Variants in ERBB4 observed in about 807,000 individuals in gnomAD.
ERBB4 encodes receptor tyrosine-protein kinase erbB-4.
ERBB4 carries 42 observed loss-of-function variants against 158.0 expected under a neutral mutation model. The ratio of observed to expected loss-of-function variants is 0.27; its 90% CI spans 0.21 to 0.34. The LOEUF (loss-of-function observed/expected upper bound fraction) is 0.34. Among genes scored for constraint, ERBB4 ranks in the 10% least tolerant of loss-of-function variants. The pLI is 1.00. For missense variants in ERBB4, 1,333 were observed against 1,624.1 expected, an observed-to-expected ratio of 0.82 and a Z score of 3.08; for synonymous variants, 583 against 558.7, an observed-to-expected ratio of 1.04 and a Z score of -0.61.
chr2:211,593,289 A>T (rs967610305), intron 19 of ERBB4, among the ~76,000 whole-genome samples: 2 of 152,216 alleles, frequency 1.3e-5, no homozygotes, highest in African/African-American at 2.4e-5. Context: ...GAGAATATTT[A>T]TTGAAGTGTG....
At chr2:211,777,027 G>C (rs1388607924) in intron 4 of ERBB4, among the ~76,000 whole-genome samples, 6 of 152,066 alleles carry the variant, frequency 3.9e-5, no homozygotes, top group Admixed American at 3.9e-4. Context: ...GTTTGGCAAG[G>C]GTACATTTAC....
chr2:212,273,946 A>G (rs906242280), intron 1 of ERBB4, among the ~76,000 whole-genome samples: 9 of 151,820 alleles, frequency 5.9e-5, no homozygotes, highest in Admixed American at 2.6e-4. Context: ...AAATCTGAGT[A>G]TAACTTCTGA....
chr2:212,198,014 T>C (rs142657600), intron 1 of ERBB4, among the ~76,000 whole-genome samples: 55 of 152,230 alleles, frequency 3.6e-4, no homozygotes, highest in Admixed American at 7.2e-4. Context: ...GGGGATTCTT[T>C]TGAGAGCTGA....
chr2:211,393,115 CT>C (rs1457242649), intron 25 of ERBB4, among the ~76,000 whole-genome samples: 4 of 152,090 alleles, frequency 2.6e-5, no homozygotes, highest in Non-Finnish European at 5.9e-5. Flanking sequence ...TATGGAAATG[CT>C]GTCTTTTATA....
At chr2:212,197,751 T>C (rs748843197) in intron 1 of ERBB4, among the ~76,000 whole-genome samples, 9 of 152,192 alleles carry the variant, frequency 5.9e-5, no homozygotes, top group Non-Finnish European at 1.0e-4. Flanking sequence ...CCTGTAACTA[T>C]ATAGCTAAGT....
At chr2:211,725,918 T>C (rs950750757) in intron 5 of ERBB4, among the ~76,000 whole-genome samples, 6 of 152,040 alleles carry the variant, frequency 3.9e-5, no homozygotes, top group African/African-American at 9.7e-5. Flanking sequence ...AAAATCATCA[T>C]TGGTCTTTTC....
At chr2:212,524,655 C>T (rs1012974828) in intron 1 of ERBB4, among the ~76,000 whole-genome samples, 1 of 151,676 alleles carries the variant, frequency 6.6e-6, no homozygotes, top group Non-Finnish European at 1.5e-5. Flanking sequence ...AATATGTGGG[C>T]AGTGGCATCC....
intron 1 of ERBB4, among the ~76,000 whole-genome samples, chr2:212,181,839 T>C (rs1559675209): frequency 6.6e-6 from 1 of 151,734 alleles, no homozygotes. Flanking sequence ...ATCAGTTTGT[T>C]CTTCACATAT....
intron 1 of ERBB4, among the ~76,000 whole-genome samples, chr2:212,177,685 G>A (rs1324788408): frequency 1.3e-5 from 2 of 151,744 alleles, no homozygotes; most frequent in South Asian, 4.1e-4. Flanking sequence ...ATTCACAAAT[G>A]TGCCGGCACT....
intron 1 of ERBB4, among the ~76,000 whole-genome samples, chr2:212,472,085 C>G (rs1176666105): frequency 6.6e-6 from 1 of 151,760 alleles, no homozygotes; most frequent in Non-Finnish European, 1.5e-5. Context: ...CATGCAAAAT[C>G]CAACACGTCA....
In ERBB4 at chr2:211,382,276, G is replaced by A. The variant is rs899991836; in HGVS notation, c.*1339C>T. 4.3e-5 allele frequency: 10 copies of A among 231,666 alleles called. No homozygotes were observed. The highest frequency in any genetic ancestry group is 7.7e-5 in the Non-Finnish European group (9 of 117,246). The allele number at this position is 231,666 out of a possible 1,614,324, so 14.4% of individuals were successfully genotyped here. A position where few individuals can be genotyped will look rare whatever the true frequency, so the allele number is the denominator to read the frequency against. On this transcript the variant is annotated 3_prime_UTR_variant, in exon 28 of 28. Transcript: ENST00000342788. ...AATCCTTACTCGCATTCCTTCTTAC[G>A]AAGTATACGAACTGAACAAATTTCC...
rs76755136 is a variant in ERBB4 at position 212,334,282 on chromosome 2, A to G, written c.82+204167T>C. 8.9e-3 allele frequency among the ~76,000 whole-genome samples: 1,359 copies of G among 152,028 alleles called. 15 individuals carry two copies. Among genetic ancestry groups the G allele is most frequent in the African/African-American group, 0.031 (1,267 of 41,502 alleles). On this transcript the variant is annotated intron_variant, in intron 1 of 27. Transcript: ENST00000342788. ...ATTCCTACTTATCCTACAATACTCA[A>G]TTTACTTACAGGGAATATTTTCTTT...
At chr2:211,761,890 T>C (rs2075425161) in intron 4 of ERBB4, among the ~76,000 whole-genome samples, 1 of 152,210 alleles carries the variant, frequency 6.6e-6, no homozygotes, top group Admixed American at 6.5e-5. Flanking sequence ...ACCCCAGCTA[T>C]TAAATCATTT....
intron 20 of ERBB4, among the ~76,000 whole-genome samples, chr2:211,542,545 C>T: frequency 6.6e-6 from 1 of 151,824 alleles, no homozygotes; most frequent in East Asian, 1.9e-4. Flanking sequence ...TCTCAATGCA[C>T]TTAAATATTA....
intron 20 of ERBB4, among the ~76,000 whole-genome samples, chr2:211,483,841 G>A (rs1377252587): frequency 6.6e-6 from 1 of 152,016 alleles, no homozygotes; most frequent in Non-Finnish European, 1.5e-5. Context: ...ATGAACCACC[G>A]TGCCCGGCCA....
At chr2:211,883,697 C>T (rs1489882472) in intron 3 of ERBB4, among the ~76,000 whole-genome samples, 4 of 151,994 alleles carry the variant, frequency 2.6e-5, no homozygotes, top group African/African-American at 7.2e-5. Flanking sequence ...GAGGCTGAGG[C>T]AAGAGAATCG....
In ERBB4 at chr2:212,464,105, T is replaced by C. The variant is rs549116465; in HGVS notation, c.82+74344A>G. 3.5e-4 allele frequency among the ~76,000 whole-genome samples: 54 copies of C among 152,256 alleles called. 1 individual carries two copies. The South Asian group carries it at 0.011, about 31-fold the overall frequency. On this transcript the variant is annotated intron_variant, in intron 1 of 27. Transcript: ENST00000342788. Reference sequence around the variant, plus strand: ...GCGTGAGAGGGTATCAGTAGACCCATGTGGTCTCAAAATAATGACTTTCCT... The same window carrying C: ...GCGTGAGAGGGTATCAGTAGACCCACGTGGTCTCAAAATAATGACTTTCCT...
chr2:212,531,691 C>T (rs1468937348), intron 1 of ERBB4, among the ~76,000 whole-genome samples: 1 of 151,958 alleles, frequency 6.6e-6, no homozygotes, highest in Non-Finnish European at 1.5e-5. Context: ...TAAGCATTTT[C>T]TGCTGACTGG....
intron 3 of ERBB4, among the ~76,000 whole-genome samples, chr2:211,878,061 T>C (rs1000402009): frequency 6.6e-6 from 1 of 152,174 alleles, no homozygotes; most frequent in Non-Finnish European, 1.5e-5. Context: ...TGAGCCTAGA[T>C]CACGCCACTG....
Sources: allele counts gnomAD v4.1 joint callset (sites outside exome capture counted in the v4.1 genomes callset), GRCh38; gene constraint gnomAD v4.1.1; transcripts MANE v1.5; gene names NCBI Gene and HGNC (gene_info 2026-07-23, HGNC 2026-07-21).